The following SLC35F3 variants were observed in gnomAD, a reference collection of about 807,000 sequenced individuals.
SLC35F3 encodes putative thiamine transporter SLC35F3.
In SLC35F3, 25 loss-of-function variants were observed where a neutral mutation model predicts 49.9. The ratio of observed to expected loss-of-function variants is 0.50; its 90% CI spans 0.37 to 0.70. The LOEUF (loss-of-function observed/expected upper bound fraction) is 0.70, where lower values mean the gene tolerates loss of function less well. SLC35F3 is among the 30% of genes least tolerant of loss of function. The pLI, the probability that SLC35F3 is intolerant of heterozygous loss-of-function variation, is 0.00. For missense variants in SLC35F3, 525 were observed against 639.8 expected (o/e 0.82, Z 1.94); for synonymous variants, 275 against 265.4 (o/e 1.04, Z -0.35).
At chr1:233,928,128 C>T (rs1662188801) in intron 2 of SLC35F3, among the ~76,000 whole-genome samples, 1 of 152,030 alleles carries the variant, frequency 6.6e-6, no homozygotes, top group South Asian at 2.1e-4. Context: ...AAGCCCTAGC[C>T]CTCTGCTTCC....
At chr1:233,931,136 TC>T (rs1662235995) in intron 2 of SLC35F3, among the ~76,000 whole-genome samples, 1 of 152,034 alleles carries the variant, frequency 6.6e-6, no homozygotes, top group African/African-American at 2.4e-5. Flanking sequence ...AAAAATCAAC[TC>T]AAGATGGATT....
At chr1:234,140,739 A>G (rs1195573975) in intron 2 of SLC35F3, among the ~76,000 whole-genome samples, 1 of 152,202 alleles carries the variant, frequency 6.6e-6, no homozygotes, top group Non-Finnish European at 1.5e-5. Flanking sequence ...TCCTTTGTAT[A>G]TCTCGAAGTC....
At chr1:234,258,144 G>T (rs559286614) in intron 3 of SLC35F3, among the ~76,000 whole-genome samples, 3 of 152,206 alleles carry the variant, frequency 2.0e-5, no homozygotes, top group Non-Finnish European at 4.4e-5. Context: ...AAGCTTGGAG[G>T]CTATCTTCAA....
rs536248478 is a variant in SLC35F3 at position 234,195,923 on chromosome 1, C to G, written c.284-35494C>G. Among the ~76,000 whole-genome samples the G allele has an allele frequency of 4.1e-4, 62 of 152,268 alleles. 1 individual carries two copies. The highest frequency in any genetic ancestry group is 1.5e-3 in the African/African-American group (61 of 41,552). ...TTGTCTGCCACCATGTAAGACATGCCTTTCGCCTTCCACCGTGATTGTGAG... is the reference window on the plus strand; with the variant it reads ...TTGTCTGCCACCATGTAAGACATGCGTTTCGCCTTCCACCGTGATTGTGAG... On this transcript the variant is annotated intron_variant, in intron 2 of 7. Transcript: ENST00000366618.
chr1:233,923,971 G>A (rs575798054), intron 2 of SLC35F3, among the ~76,000 whole-genome samples: 2 of 152,260 alleles, frequency 1.3e-5, no homozygotes, highest in East Asian at 3.9e-4. Flanking sequence ...TGTTGAACAA[G>A]CCTTGCTTCC....
chr1:234,279,392 G>T (rs911860672), intron 3 of SLC35F3, among the ~76,000 whole-genome samples: 2 of 152,124 alleles, frequency 1.3e-5, no homozygotes, highest in African/African-American at 2.4e-5. Flanking sequence ...TTTCACAGGG[G>T]GCACACAAAT....
chr1:234,039,552 G>C (rs891388673), intron 2 of SLC35F3, among the ~76,000 whole-genome samples: 14 of 152,196 alleles, frequency 9.2e-5, no homozygotes, highest in African/African-American at 2.4e-4. Context: ...ACGGCTCCCA[G>C]ATGAAACAAG....
At chr1:234,064,088 T>TATCTAAAC in intron 2 of SLC35F3, among the ~76,000 whole-genome samples, 1 of 152,352 alleles carries the variant, frequency 6.6e-6, no homozygotes, top group East Asian at 1.9e-4. Context: ...TGGAAGTAGA[T>TATCTAAAC]ATCTAAACAT....
chr1:234,232,535 A>AAAAAAAG (rs1558268167), intron 3 of SLC35F3, among the ~76,000 whole-genome samples: 1 of 144,742 alleles, frequency 6.9e-6, no homozygotes, highest in Non-Finnish European at 1.5e-5. Flanking sequence ...AAAAAAAAAA[A>AAAAAAAG]AAAAAGAAAA....
intron 2 of SLC35F3, among the ~76,000 whole-genome samples, chr1:234,212,105 T>C (rs1667053892): frequency 1.3e-5 from 2 of 152,212 alleles, no homozygotes; most frequent in Non-Finnish European, 2.9e-5. Flanking sequence ...TGCTCCTCCT[T>C]GCCTTCCACC....
chr1:234,169,183 G>A (rs904089001), intron 2 of SLC35F3, among the ~76,000 whole-genome samples: 2 of 152,156 alleles, frequency 1.3e-5, no homozygotes, highest in South Asian at 4.1e-4. Flanking sequence ...TCCAGCCTTC[G>A]GTGGATTGGA....
intron 2 of SLC35F3, among the ~76,000 whole-genome samples, chr1:234,162,091 G>A (rs568793710): frequency 2.6e-5 from 4 of 152,104 alleles, no homozygotes; most frequent in East Asian, 3.9e-4. Context: ...AGCAGGGCTC[G>A]CCATTGCTGG....
At chr1:234,198,102 T>C (rs1008582657) in intron 2 of SLC35F3, among the ~76,000 whole-genome samples, 1 of 151,888 alleles carries the variant, frequency 6.6e-6, no homozygotes, top group Non-Finnish European at 1.5e-5. Flanking sequence ...CTCTGCAGAG[T>C]GATTTTAGAG....
intron 2 of SLC35F3, among the ~76,000 whole-genome samples, chr1:233,921,653 CTTT>C (rs963979445): frequency 6.6e-6 from 1 of 151,422 alleles, no homozygotes; most frequent in South Asian, 2.1e-4. Context: ...GCAGCTTTTT[CTTT>C]TTTTTTATTA....
At chr1:234,299,115 A>G (rs1225043705) in intron 3 of SLC35F3, among the ~76,000 whole-genome samples, 1 of 152,224 alleles carries the variant, frequency 6.6e-6, no homozygotes, top group Non-Finnish European at 1.5e-5. Flanking sequence ...TCAGGATCAC[A>G]GAAGAGAAGA....
intron 2 of SLC35F3, among the ~76,000 whole-genome samples, chr1:233,995,822 C>T (rs946273046): frequency 1.2e-4 from 19 of 152,148 alleles, no homozygotes; most frequent in South Asian, 4.2e-4. Flanking sequence ...AGGACTGTAA[C>T]GGGTGGGACC....
intron 2 of SLC35F3, among the ~76,000 whole-genome samples, chr1:233,969,061 G>GT (rs370642999): frequency 1.6e-4 from 5 of 31,176 alleles, no homozygotes; most frequent in South Asian, 9.2e-4. Flanking sequence ...GACATATTTT[G>GT]GGGGGGGGGA....
intron 2 of SLC35F3, among the ~76,000 whole-genome samples, chr1:234,048,068 T>C (rs576608740): frequency 3.9e-5 from 6 of 152,218 alleles, no homozygotes; most frequent in African/African-American, 1.4e-4. Context: ...ACAAAGAACT[T>C]CGCTGAATTG....
At chr1:234,236,507 C>T (rs556523523) in intron 3 of SLC35F3, among the ~76,000 whole-genome samples, 32 of 152,022 alleles carry the variant, frequency 2.1e-4, no homozygotes, top group African/African-American at 6.8e-4. Flanking sequence ...CTCTAGGTGC[C>T]GAAGGAGAAG....
Sources: gnomAD v4.1 joint callset for allele counts (sites outside exome capture counted in the v4.1 genomes callset) on GRCh38, gnomAD v4.1.1 for gene constraint, MANE v1.5 for transcripts, NCBI Gene and HGNC (gene_info 2026-07-23, HGNC 2026-07-21) for gene names.